CHRND: variants seen among roughly 807,000 people sequenced by gnomAD.
CHRND encodes cholinergic receptor nicotinic delta subunit.
In CHRND, 40 loss-of-function variants were observed where a neutral mutation model predicts 57.8. The ratio of observed to expected loss-of-function variants is 0.69; its 90% CI spans 0.54 to 0.90. The LOEUF (loss-of-function observed/expected upper bound fraction) is 0.90, where lower values mean the gene tolerates loss of function less well. Ranked by LOEUF, CHRND falls within the 40% of genes least tolerant of loss-of-function variation. The pLI, the probability that CHRND is intolerant of heterozygous loss-of-function variation, is 0.00. For synonymous variants in CHRND, 237 were observed against 270.6 expected (o/e 0.88, Z 1.22); for missense variants, 634 against 673.9 (o/e 0.94, Z 0.66).
rs1245775140 is a variant in CHRND at position 232,536,604 on chromosome 2, C to T, written c.*1292C>T. ...TAAGCCAGAACCACCAGCTAAGTGACTCCTGGATTCCTGACCCCCAGAAAC... is the reference window on the plus strand; with the variant it reads ...TAAGCCAGAACCACCAGCTAAGTGATTCCTGGATTCCTGACCCCCAGAAAC... On this transcript the variant is annotated 3_prime_UTR_variant, in exon 12 of 12. Coordinates refer to ENST00000258385, the MANE Select transcript of CHRND (RefSeq NM_000751.3). 3 of 374,272 alleles carry T rather than the reference C, an allele frequency of 8.0e-6. No individual in the cohort carries two copies. The highest frequency in any genetic ancestry group is 1.1e-5 in the Non-Finnish European group (2 of 188,852). The allele number at this position is 374,272 out of a possible 1,614,324, so 23.2% of individuals were successfully genotyped here.
At chr2:232,529,782 G>A (rs1173434658) in intron 6 of CHRND, among the ~76,000 whole-genome samples, 157 bp from the exon 7 acceptor site, 5 of 152,010 alleles carry the variant, frequency 3.3e-5, no homozygotes, top group South Asian at 2.1e-4. Context: ...CTTCCATCCC[G>A]ACCCCCCAGG....
At chr2:232,528,135 C>T in intron 3 of CHRND, 127 bp from the exon 4 acceptor site, 1 of 840,860 alleles carries the variant, frequency 1.2e-6, no homozygotes, top group Middle Eastern at 2.2e-4. Context: ...GCACTCTGTA[C>T]CTGCCTTCCC....
At position 232,528,807 on chromosome 2, in the gene CHRND, C is replaced by A. The variant is rs1214701913; in HGVS notation, c.510-55C>A. The A allele has an allele frequency of 2.5e-6, 4 of 1,579,156 alleles. No individual in the cohort carries two copies. The African/African-American group carries it at 4.0e-5, about 16-fold the overall frequency. ...GTCCTCCCTTACCAGCCCTTCCCCA[C>A]TCTGTGGCCCCAGCCACTGGCCGAG... On this transcript the variant is annotated intron_variant, in intron 5 of 11. Coordinates refer to ENST00000258385, the MANE Select transcript of CHRND (RefSeq NM_000751.3).
At position 232,535,493 on chromosome 2, in the gene CHRND, C is replaced by G. The variant is rs762712354; in HGVS notation, c.*181C>G. ...CCCTGAAATCAAGACAGGGGCCACC[C>G]GAGATGGTCTGAGGGTGGACATCGG... On this transcript the variant is annotated 3_prime_UTR_variant, in exon 12 of 12. Transcript: ENST00000258385. The G allele has an allele frequency of 1.1e-5, 9 of 805,116 alleles. No individual in the cohort carries two copies. Among genetic ancestry groups the G allele is most frequent in the Admixed American group, 6.0e-5 (3 of 49,956 alleles). 49.9% of individuals were successfully genotyped at this position (805,116 alleles called of 1,614,324 possible). A position where few individuals can be genotyped will look rare whatever the true frequency, so the allele number is the denominator to read the frequency against.
In CHRND at chr2:232,527,399, A is replaced by G. The variant is rs748994740; in HGVS notation, c.199-2A>G. ...AAGGATGGCCCTACCGTCTAATTAC[A>G]GAAAGAAGTTGAGGAGACCCTCACT... On this transcript the variant is annotated splice_acceptor_variant, in intron 2 of 11. Transcript: ENST00000258385. LOFTEE classifies it high-confidence loss of function. 1 of 1,612,244 alleles carries G rather than the reference A, an allele frequency of 6.2e-7. No homozygotes were observed.
At chr2:232,528,762 G>A (rs967345934) in intron 5 of CHRND, 100 bp from the exon 6 acceptor site, 1 of 1,586,970 alleles carries the variant, frequency 6.3e-7, no homozygotes, top group Non-Finnish European at 8.6e-7. Context: ...GTCTGGATTA[G>A]TGCTGCCCTC....
rs770099656 is a variant in CHRND, at chr2:232,533,983, A to G, written c.1100A>G (p.Asp367Gly). The G allele has an allele frequency of 1.4e-5, 23 of 1,613,782 alleles. No homozygotes were observed. The highest frequency in any genetic ancestry group is 1.1e-5 in the Non-Finnish European group (13 of 1,180,030). Residue 367 changes from aspartate (D) to glycine (G), a missense_variant, in exon 10 of 12, where the codon GAT becomes GGT. Coordinates refer to ENST00000258385, the MANE Select transcript of CHRND (RefSeq NM_000751.3). ...CTGCACATGTCCCGCCCAGCAGAGG[A>G]TGGACCCAGCCCTGGGGCCCTGGTG... The part of the protein sequence containing the change: ...ELLHMSRPAE[D>G]GPSPGALVRR...
At position 232,535,403 on chromosome 2, in the gene CHRND, C is replaced by T. The variant is rs1420054183; in HGVS notation, c.*91C>T. On this transcript the variant is annotated 3_prime_UTR_variant, in exon 12 of 12. Transcript: ENST00000258385. ...CCCACTCCTAGCCCTGAGGCTCGTGCCCCTCAGACTGGGGAAGAGTCCAAG... is the reference window on the plus strand; with the variant it reads ...CCCACTCCTAGCCCTGAGGCTCGTGTCCCTCAGACTGGGGAAGAGTCCAAG... 2.0e-6 allele frequency: 3 copies of T among 1,480,816 alleles called. No homozygotes were observed. Among genetic ancestry groups the T allele is most frequent in the East Asian group, 2.3e-5 (1 of 44,038 alleles). The allele number at this position is 1,480,816 out of a possible 1,614,324, so 91.7% of individuals were successfully genotyped here. A position where few individuals can be genotyped will look rare whatever the true frequency, so the allele number is the denominator to read the frequency against.
intron 7 of CHRND, among the ~76,000 whole-genome samples, chr2:232,530,834 C>A (rs1412272261): frequency 1.3e-5 from 2 of 152,164 alleles, no homozygotes; most frequent in Admixed American, 1.3e-4. Flanking sequence ...GGGAGCCCCC[C>A]TTCCCGCCCT....
chr2:232,527,569 C>T (rs926526145), intron 3 of CHRND, 124 bp downstream of exon 3: 11 of 758,406 alleles, frequency 1.5e-5, no homozygotes, highest in Middle Eastern at 3.6e-4. Flanking sequence ...ACGGTGAAAC[C>T]CCGTCTCTAC....
At chr2:232,528,441 C>G in intron 4 of CHRND, 60 bp from the exon 5 acceptor site, 1 of 1,613,872 alleles carries the variant, frequency 6.2e-7, no homozygotes, top group African/African-American at 1.3e-5. Context: ...CTCTGCCTCC[C>G]CCAACTCTGC....
chr2:232,526,617 C>A lies in CHRND; in HGVS notation c.141C>A (p.His47Gln). Residue 47 changes from histidine (H) to glutamine (Q), a missense_variant, in exon 2 of 12, where the codon CAC becomes CAA. Coordinates refer to ENST00000258385, the MANE Select transcript of CHRND (RefSeq NM_000751.3). Reference sequence around the variant, plus strand: ...ACAAGGAGCTCCGGCCCGTGGCACACAAAGAGGAGAGTGTGGACGTTGCCC... The same window carrying A: ...ACAAGGAGCTCCGGCCCGTGGCACAAAAAGAGGAGAGTGTGGACGTTGCCC... ...GYNKELRPVA[H>Q]KEESVDVALA... 1 of 1,613,794 alleles carries A rather than the reference C, an allele frequency of 6.2e-7. No homozygotes were observed. Among genetic ancestry groups the A allele is most frequent in the South Asian group, 1.1e-5 (1 of 91,084 alleles).
chr2:232,532,192 G>A (rs1691727974), intron 9 of CHRND, among the ~76,000 whole-genome samples: 1 of 151,928 alleles, frequency 6.6e-6, no homozygotes, highest in African/African-American at 2.4e-5. Flanking sequence ...CAGGGACCGG[G>A]TGTGGTAGCT....
At chr2:232,528,401 C>T in intron 4 of CHRND, 30 bp downstream of exon 4, 1 of 1,613,602 alleles carries the variant, frequency 6.2e-7, no homozygotes. Context: ...GACCTCCCCT[C>T]TGTCACCCTG....
chr2:232,535,629 A>C lies in CHRND; in HGVS notation c.*317A>C. 2 of 550,710 alleles carry C rather than the reference A, an allele frequency of 3.6e-6. No homozygotes were observed. The highest frequency in any genetic ancestry group is 1.5e-5 in the South Asian group (1 of 64,916). The allele number at this position is 550,710 out of a possible 1,614,324, so 34.1% of individuals were successfully genotyped here. A position where few individuals can be genotyped will look rare whatever the true frequency, so the allele number is the denominator to read the frequency against. The stretch of plus-strand genomic sequence containing the variant: ...GGGAGAGCTCTGATAGGGGTGAGAC[A>C]GATAGGGCCCCTTCTCTGCTTCTCC... On this transcript the variant is annotated 3_prime_UTR_variant, in exon 12 of 12. Transcript: ENST00000258385.
At position 232,528,644 on chromosome 2, in the gene CHRND, C is replaced by A. The variant is rs528286132; in HGVS notation, c.497C>A (p.Ser166Tyr). The A allele has an allele frequency of 6.2e-7, 1 of 1,614,030 alleles. No homozygotes were observed. Among genetic ancestry groups the A allele is most frequent in the East Asian group, 2.2e-5 (1 of 44,886 alleles). Reference protein sequence around the residue: ...TYFPFDWQNCSLKFSSLKYTA... With the variant: ...TYFPFDWQNCYLKFSSLKYTA... ...TTCCCCTTCGACTGGCAGAACTGCT[C>A]CCTCAAGTTCAGGTGTGCCCTTTTC... Residue 166 changes from serine to tyrosine, a missense_variant, in exon 5 of 12, where the codon TCC becomes TAC. Ser to Tyr is a moderately radical substitution (Grantham distance 144). Coordinates refer to ENST00000258385, the MANE Select transcript of CHRND (RefSeq NM_000751.3).
Position 232,531,656 on chromosome 2 carries a change from G to A in CHRND, c.1047G>A (p.Lys349=), listed in dbSNP as rs1691703245. ...STHVLSEGVK[K]LFLETLPELL... ...ATGTGCTGTCTGAGGGGGTCAAGAAGGTGAGTACTTGGCCCGGCGCAAAAG... is the reference window on the plus strand; with the variant it reads ...ATGTGCTGTCTGAGGGGGTCAAGAAAGTGAGTACTTGGCCCGGCGCAAAAG... Residue 349 remains lysine (K), a splice_region_variant and synonymous_variant, in exon 9 of 12, where the codon AAG becomes AAA. Coordinates refer to ENST00000258385, the MANE Select transcript of CHRND (RefSeq NM_000751.3). The A allele has an allele frequency of 1.9e-6, 3 of 1,611,628 alleles. No individual in the cohort carries two copies. The highest frequency in any genetic ancestry group is 2.5e-6 in the Non-Finnish European group (3 of 1,178,938).
Position 232,534,351 on chromosome 2 carries a change from C to T in CHRND, c.1371+9C>T. On this transcript the variant is annotated intron_variant, in intron 11 of 11. Coordinates refer to ENST00000258385, the MANE Select transcript of CHRND (RefSeq NM_000751.3). ...AGAACAATTACAATGAGGTAAGGGA[C>T]CACAGGATTGCCATGTACAGGTGTT... 6.2e-7 allele frequency: 1 copy of T among 1,611,346 alleles called. No homozygotes were observed. The highest frequency in any genetic ancestry group is 8.5e-7 in the Non-Finnish European group (1 of 1,177,424).
chr2:232,533,170 G>C (rs564449025), intron 9 of CHRND, among the ~76,000 whole-genome samples: 1 of 152,082 alleles, frequency 6.6e-6, no homozygotes, highest in Non-Finnish European at 1.5e-5. Context: ...ACAGGCGCCC[G>C]CCACCATGCC....
Sources: allele counts gnomAD v4.1 joint callset (sites outside exome capture counted in the v4.1 genomes callset), GRCh38; gene constraint gnomAD v4.1.1; transcripts MANE v1.5; gene names NCBI Gene and HGNC (gene_info 2026-07-23, HGNC 2026-07-21).